ARHGAP6: variants seen among roughly 807,000 people sequenced by gnomAD.
ARHGAP6 encodes the protein Rho GTPase activating protein 6, also known as rho GTPase-activating protein 6.
ARHGAP6 carries 16 observed loss-of-function variants against 55.7 expected under a neutral mutation model. The ratio of observed to expected loss-of-function variants is 0.29; its 90% CI spans 0.19 to 0.44. The LOEUF (loss-of-function observed/expected upper bound fraction) is 0.44. ARHGAP6 is among the 20% of genes least tolerant of loss of function. ARHGAP6 has a pLI of 1.00. For missense variants in ARHGAP6, 698 were observed against 808.9 expected, an observed-to-expected ratio of 0.86 and a Z score of 1.66; for synonymous variants, 382 against 360.9, an observed-to-expected ratio of 1.06 and a Z score of -0.66.
intron 1 of ARHGAP6, among the ~76,000 whole-genome samples, chrX:11,258,732 C>T (rs2047522111): frequency 8.9e-6 from 1 of 112,096 alleles, no homozygotes; most frequent in Non-Finnish European, 1.9e-5. Flanking sequence ...GATTTTTAAA[C>T]TTCTTTGTTA....
intron 1 of ARHGAP6, among the ~76,000 whole-genome samples, chrX:11,453,194 C>CTA (rs1384836743): frequency 3.1e-5 from 3 of 97,089 alleles, no homozygotes; most frequent in Non-Finnish European, 6.1e-5. Context: ...CTCTCTCTCT[C>CTA]TATATATATA....
chrX:11,529,850 T>C (rs1289543642), intron 1 of ARHGAP6, among the ~76,000 whole-genome samples: 1 of 111,978 alleles, frequency 8.9e-6, no homozygotes, highest in South Asian at 3.8e-4. Context: ...ACACAGGCCA[T>C]CAACAAGTGG....
intron 2 of ARHGAP6, among the ~76,000 whole-genome samples, chrX:11,236,623 CT>C (rs775346319): frequency 6.3e-5 from 7 of 111,492 alleles, no homozygotes; most frequent in East Asian, 2.8e-4. Flanking sequence ...GGAAGAAGTA[CT>C]TTTTTTTAAT....
In ARHGAP6 at chrX:11,178,185, T is replaced by C. The variant is rs1477670007; in HGVS notation, c.1544A>G (p.Asn515Ser). 8.3e-7 allele frequency: 1 copy of C among 1,208,949 alleles called. No homozygotes were observed. The highest frequency in any genetic ancestry group is 1.1e-6 in the Non-Finnish European group (1 of 894,951). ...TAGCAGGCGGTGGAGGGTGTCGCAG[T>C]TGCAGGGAGGTAGAAGGTATATGAG... ...QLLIYLLPPCNCDTLHRLLQF... is the reference protein window; with the variant it reads ...QLLIYLLPPCSCDTLHRLLQF... The change falls in exon 8 of 13, where the codon AAC (asparagine) becomes AGC (serine). Residue 515 changes from asparagine (N) to serine (S), a missense_variant. By Grantham distance (46) the Asn-to-Ser change is conservative. Coordinates refer to ENST00000337414, the MANE Select transcript of ARHGAP6 (RefSeq NM_013427.3).
At chrX:11,395,865 T>A in intron 1 of ARHGAP6, among the ~76,000 whole-genome samples, 1 of 112,256 alleles carries the variant, frequency 8.9e-6, no homozygotes, top group Non-Finnish European at 1.9e-5. Context: ...TCTGAATAAT[T>A]TCAAGGTTAA....
chrX:11,577,757 A>G (rs1424188151), intron 1 of ARHGAP6, among the ~76,000 whole-genome samples: 1 of 111,990 alleles, frequency 8.9e-6, no homozygotes. Context: ...AAAGAAGAGC[A>G]CTGATGGTGG....
intron 1 of ARHGAP6, among the ~76,000 whole-genome samples, chrX:11,537,931 C>T (rs1339349842): frequency 1.8e-5 from 2 of 109,872 alleles, no homozygotes. Flanking sequence ...TAATTTTGAC[C>T]TCAAGGAACT....
intron 1 of ARHGAP6, among the ~76,000 whole-genome samples, chrX:11,470,531 T>A (rs1344301053): frequency 2.7e-5 from 3 of 112,573 alleles, no homozygotes; most frequent in Non-Finnish European, 5.6e-5. Flanking sequence ...TAGAATTAGC[T>A]TCACTGCCAT....
In ARHGAP6 at chrX:11,528,916, C is replaced by A. The variant is rs112209430; in HGVS notation, c.588+135325G>T. ...TTATATTACCAAAACATTACTAAAA[C>A]CAACCCAGAAATAAAAGAAAATGGA... On this transcript the variant is annotated intron_variant, in intron 1 of 12. Transcript: ENST00000337414. Among the ~76,000 whole-genome samples, 344 of 111,889 alleles carry A rather than the reference C, an allele frequency of 3.1e-3. 1 individual carries two copies. Among genetic ancestry groups the A allele is most frequent in the African/African-American group, 0.01 (322 of 30,808 alleles).
intron 2 of ARHGAP6, among the ~76,000 whole-genome samples, chrX:11,251,011 T>C (rs905872133): frequency 1.8e-5 from 2 of 112,107 alleles, no homozygotes; most frequent in Non-Finnish European, 3.8e-5. Flanking sequence ...AAGTCCGATA[T>C]GGTGTATTTA....
At chrX:11,288,532 C>G (rs1179155191) in intron 1 of ARHGAP6, among the ~76,000 whole-genome samples, 2 of 112,225 alleles carry the variant, frequency 1.8e-5, no homozygotes, top group Non-Finnish European at 1.9e-5. Context: ...AGATTCACCA[C>G]TTTAAAGTGT....
intron 1 of ARHGAP6, among the ~76,000 whole-genome samples, chrX:11,463,983 G>T (rs1460725266): frequency 2.7e-5 from 3 of 112,010 alleles, no homozygotes; most frequent in Non-Finnish European, 5.6e-5. Context: ...AAGAAACCTG[G>T]GTCCCAGGTA....
At chrX:11,622,763 A>C (rs750606889) in intron 1 of ARHGAP6, among the ~76,000 whole-genome samples, 1 of 111,799 alleles carries the variant, frequency 8.9e-6, no homozygotes, top group Admixed American at 9.5e-5. Flanking sequence ...ACAAGTATAA[A>C]ATATTAACCT....
At chrX:11,179,605 C>T (rs1424091623) in intron 6 of ARHGAP6, among the ~76,000 whole-genome samples, 153 bp from the exon 7 acceptor site, 2 of 107,883 alleles carry the variant, frequency 1.9e-5, no homozygotes, top group Admixed American at 1.0e-4. Context: ...CTTGATCTGC[C>T]GAGTTGACAC....
At chrX:11,162,290 C>CAG (rs1201435532) in intron 9 of ARHGAP6, among the ~76,000 whole-genome samples, 14 of 105,134 alleles carry the variant, frequency 1.3e-4, no homozygotes, top group Non-Finnish European at 2.3e-4. Context: ...GATGGCAGAG[C>CAG]AGAGAGAGAG....
intron 1 of ARHGAP6, among the ~76,000 whole-genome samples, chrX:11,629,015 GTGTGTA>G (rs984768445): frequency 5.4e-5 from 6 of 110,170 alleles, no homozygotes; most frequent in Middle Eastern, 4.6e-3. Flanking sequence ...GTGTGTGTGT[GTGTGTA>G]TACACGAGCT....
rs767153082 is a variant in ARHGAP6, at chrX:11,178,217, C to G, written c.1512G>C (p.Leu504Phe). ...LLEPEEQLGT[L>F]QLLIYLLPPC... is the part of the protein sequence containing the mutation. ...GAGGTAGAAGGTATATGAGGAGCTG[C>G]AAGGTGCCCAGCTGTTCCTCCGGCT... Residue 504 changes from leucine (L) to phenylalanine (F), a missense_variant, in exon 8 of 13, where the codon TTG becomes TTC. Coordinates refer to ENST00000337414, the MANE Select transcript of ARHGAP6 (RefSeq NM_013427.3). 7.5e-5 allele frequency: 91 copies of G among 1,207,135 alleles called. No homozygotes were observed. In the East Asian group the frequency reaches 2.7e-3, roughly 35 times the overall value.
At chrX:11,332,038 G>A (rs149252051) in intron 1 of ARHGAP6, among the ~76,000 whole-genome samples, 32 of 111,908 alleles carry the variant, frequency 2.9e-4, no homozygotes, top group East Asian at 1.4e-3. Context: ...CAAATGATAC[G>A]TTTACCTCCT....
At chrX:11,646,813 ATT>A (rs1269148163) in intron 1 of ARHGAP6, among the ~76,000 whole-genome samples, 1 of 112,555 alleles carries the variant, frequency 8.9e-6, no homozygotes, top group African/African-American at 3.2e-5. Flanking sequence ...TGACTAAAAT[ATT>A]TTGACAAACA....
Sources: allele counts gnomAD v4.1 joint callset (sites outside exome capture counted in the v4.1 genomes callset), GRCh38; gene constraint gnomAD v4.1.1; transcripts MANE v1.5; gene names NCBI Gene and HGNC (gene_info 2026-07-23, HGNC 2026-07-21).